The following GPR162 variants were observed in gnomAD, a reference collection of about 807,000 sequenced individuals.
GPR162 encodes the protein G protein-coupled receptor 162.
GPR162 carries 26 observed loss-of-function variants against 44.9 expected under a neutral mutation model. The observed-to-expected ratio is 0.58, with a 90% CI of 0.42 to 0.80. GPR162 has a LOEUF of 0.80. Among genes scored for constraint, GPR162 ranks in the 30% least tolerant of loss-of-function variants. The probability of loss-of-function intolerance (pLI) is 0.00; values close to 1 mark genes in which losing one functional copy is unlikely to be tolerated. For missense variants in GPR162, 704 were observed against 802.3 expected (o/e 0.88, Z 1.48); for synonymous variants, 363 against 335.2 (o/e 1.08, Z -0.91).
At position 6,824,462 on chromosome 12, in the gene GPR162, T is replaced by C; in HGVS notation, c.564T>C (p.Leu188=). 1 of 1,611,970 alleles carries C rather than the reference T, an allele frequency of 6.2e-7. No individual in the cohort carries two copies. Among genetic ancestry groups the C allele is most frequent in the Non-Finnish European group, 8.5e-7 (1 of 1,179,590 alleles). The stretch of plus-strand genomic sequence containing the variant: ...GCGTTTGCTTCAGCCTCTTGCTACT[T>C]GGGGGAATTGTCATGGGTCTGGTCT... ...GFGVCFSLLL[L]GGIVMGLVCV... Residue 188 remains leucine, a synonymous_variant, in exon 2 of 5, where the codon CTT becomes CTC. Coordinates refer to ENST00000311268, the MANE Select transcript of GPR162 (RefSeq NM_019858.2).
At chr12:6,825,214 T>C in intron 2 of GPR162, 2 of 562,050 alleles carry the variant, frequency 3.6e-6, no homozygotes, top group Non-Finnish European at 6.4e-6. Flanking sequence ...TCACTGTTCC[T>C]GGGTTCCTGT....
In GPR162 at chr12:6,826,736, G is replaced by T; in HGVS notation, c.1299G>T (p.Trp433Cys). 1 of 1,589,358 alleles carries T rather than the reference G, an allele frequency of 6.3e-7. No homozygotes were observed. The highest frequency in any genetic ancestry group is 8.6e-7 in the Non-Finnish European group (1 of 1,169,096). ...PREPGSFLHK[W>C]SSSDDIRVLP... ...AACCAGGCTCCTTCCTGCACAAGTG[G>T]TCATCCTCTGATGACATCCGGGTCC... Residue 433 changes from tryptophan (W) to cysteine (C), a missense_variant, in exon 5 of 5, where the codon TGG becomes TGT. Physicochemically the swap from Trp to Cys is radical, Grantham distance 215. This residue lies in a region of GPR162 where 404 missense variants were observed against 314.1 expected (regional missense o/e 1.29). Coordinates refer to ENST00000311268, the MANE Select transcript of GPR162 (RefSeq NM_019858.2).
Position 6,823,985 on chromosome 12 carries a change from G to A in GPR162, c.87G>A (p.Leu29=). Residue 29 remains leucine, a synonymous_variant, in exon 2 of 5, where the codon CTG becomes CTA. Transcript: ENST00000311268. ...SWLACGLLAL[L]ANAWIILSIS... ...TGGCCTGTGGGCTCCTGGCGCTGCTGGCCAATGCCTGGATCATCCTCAGCA... is the reference window on the plus strand; with the variant it reads ...TGGCCTGTGGGCTCCTGGCGCTGCTAGCCAATGCCTGGATCATCCTCAGCA... 6.2e-7 allele frequency: 1 copy of A among 1,605,666 alleles called. No homozygotes were observed. The highest frequency in any genetic ancestry group is 1.1e-5 in the South Asian group (1 of 90,920).
In GPR162 at chr12:6,826,813, G is replaced by A; in HGVS notation, c.1376G>A (p.Arg459Lys). 4 of 1,610,270 alleles carry A rather than the reference G, an allele frequency of 2.5e-6. No individual in the cohort carries two copies. Among genetic ancestry groups the A allele is most frequent in the Non-Finnish European group, 3.4e-6 (4 of 1,178,116 alleles). Residue 459 changes from arginine (R) to lysine (K), a missense_variant, in exon 5 of 5, where the codon AGA (arginine) becomes AAA (lysine). Arg to Lys is a conservative substitution (Grantham distance 26). Around this residue, in one of 6 missense-constraint regions of GPR162, gnomAD observed 404 missense variants for 314.1 expected, o/e 1.29. Transcript: ENST00000311268. ...GGTCCTCCTGAGTACCTGGGACAAA[G>A]ACACAGGTTGGAGGACGAGGAGGAC... ...LGGPPEYLGQ[R>K]HRLEDEEDEE... is the part of the protein sequence containing the mutation.
chr12:6,827,022 C>T lies in GPR162; in HGVS notation c.1585C>T (p.Arg529Trp), dbSNP rs190553000. The T allele has an allele frequency of 1.0e-4, 165 of 1,613,372 alleles. No individual in the cohort carries two copies. In the East Asian group the frequency reaches 1.3e-3, roughly 13 times the overall value. The change falls in exon 5 of 5, where the codon CGG becomes TGG. Residue 529 changes from arginine (R) to tryptophan (W), a missense_variant. Arg to Trp is a moderately radical substitution (Grantham distance 101). Coordinates refer to ENST00000311268, the MANE Select transcript of GPR162 (RefSeq NM_019858.2). ...ASPGHSPRRP[R>W]PLGLSPRRLS... is the part of the protein sequence containing the mutation. The stretch of plus-strand genomic sequence containing the variant: ...ACCAGGGCACTCTCCTCGTCGGCCC[C>T]GGCCACTGGGCCTCTCACCCCGCCG...
intron 2 of GPR162, 90 bp downstream of exon 2, chr12:6,824,855 C>A: frequency 2.1e-6 from 2 of 959,138 alleles, no homozygotes; most frequent in Non-Finnish European, 3.3e-6. Flanking sequence ...CATACAGCAG[C>A]TCCGTCATCT....
At chr12:6,826,124 T>TA (rs1943351180) in intron 3 of GPR162, 72 bp from the exon 4 acceptor site, 1 of 1,194,476 alleles carries the variant, frequency 8.4e-7, no homozygotes, top group Non-Finnish European at 1.2e-6. Context: ...TCTGGGAGCT[T>TA]ATAAAGGCAG....
In GPR162 at chr12:6,827,142, G is replaced by T. The variant is rs1555120462; in HGVS notation, c.1705G>T (p.Ala569Ser). 1 of 1,613,270 alleles carries T rather than the reference G, an allele frequency of 6.2e-7. No individual in the cohort carries two copies. Among genetic ancestry groups the T allele is most frequent in the Admixed American group, 1.7e-5 (1 of 60,028 alleles). ...CTCCCTGACGGGGGGTGAAGAAAGT[G>T]CAAGGGCTTGGGGAGGATCCTGGGG... The part of the protein sequence containing the change: ...RCSLTGGEES[A>S]RAWGGSWGPG... The change falls in exon 5 of 5, where the codon GCA becomes TCA. Residue 569 changes from alanine (A) to serine (S), a missense_variant. Coordinates refer to ENST00000311268, the MANE Select transcript of GPR162 (RefSeq NM_019858.2).
chr12:6,827,023 G>C lies in GPR162; in HGVS notation c.1586G>C (p.Arg529Pro), dbSNP rs200165470. Residue 529 changes from arginine (R) to proline (P), a missense_variant, in exon 5 of 5, where the codon CGG (arginine) becomes CCG (proline). Coordinates refer to ENST00000311268, the MANE Select transcript of GPR162 (RefSeq NM_019858.2). ...ASPGHSPRRP[R>P]PLGLSPRRLS... ...CCAGGGCACTCTCCTCGTCGGCCCC[G>C]GCCACTGGGCCTCTCACCCCGCCGA... The C allele has an allele frequency of 1.9e-6, 3 of 1,613,202 alleles. No individual in the cohort carries two copies. Among genetic ancestry groups the C allele is most frequent in the Admixed American group, 3.3e-5 (2 of 60,010 alleles).
At position 6,827,112 on chromosome 12, in the gene GPR162, C is replaced by A; in HGVS notation, c.1675C>A (p.Arg559Ser). The change falls in exon 5 of 5, where the codon CGC (arginine) becomes AGC (serine). Residue 559 changes from arginine (R) to serine (S), a missense_variant. Physicochemically the swap from Arg to Ser is moderately radical, Grantham distance 110. Coordinates refer to ENST00000311268, the MANE Select transcript of GPR162 (RefSeq NM_019858.2). ...TCCTTTGGGACTAAGCGCAGGGAGA[C>A]GCTGCTCCCTGACGGGGGGTGAAGA... The part of the protein sequence containing the change: ...GLPLGLSAGR[R>S]CSLTGGEESA... 1 of 1,612,556 alleles carries A rather than the reference C, an allele frequency of 6.2e-7. No homozygotes were observed. The highest frequency in any genetic ancestry group is 8.5e-7 in the Non-Finnish European group (1 of 1,179,250).
rs782478623 is a variant in GPR162, at chr12:6,823,906, G to A, written c.8G>A (p.Arg3Gln). 2.1e-5 allele frequency: 33 copies of A among 1,556,890 alleles called. No individual in the cohort carries two copies. The highest frequency in any genetic ancestry group is 6.9e-5 in the East Asian group (3 of 43,336). MA[R>Q]GGAGAEEASL... Reference sequence around the variant, plus strand: ...TGGGGGGCTGAGGATAGGATGGCTCGGGGCGGGGCGGGGGCAGAGGAGGCC... The same window carrying A: ...TGGGGGGCTGAGGATAGGATGGCTCAGGGCGGGGCGGGGGCAGAGGAGGCC... The change falls in exon 2 of 5, where the codon CGG becomes CAG. Residue 3 changes from arginine (R) to glutamine (Q), a missense_variant. Transcript: ENST00000311268.
intron 2 of GPR162, 145 bp from the exon 3 acceptor site, chr12:6,825,339 A>G: frequency 1.6e-6 from 1 of 616,372 alleles, no homozygotes; most frequent in Non-Finnish European, 2.9e-6. Context: ...TGTTCACTCC[A>G]TCTCCACCTC....
chr12:6,823,732 G>C lies in GPR162; in HGVS notation c.-167G>C. On this transcript the variant is annotated 5_prime_UTR_variant, in exon 2 of 5. Coordinates refer to ENST00000311268, the MANE Select transcript of GPR162 (RefSeq NM_019858.2). ...CCCCTGCCCTCTACATCTGCCCTCA[G>C]CTGGGTCCATCATGCAATGCTGAGC... 6.2e-7 allele frequency: 1 copy of C among 1,611,504 alleles called. No homozygotes were observed. Among genetic ancestry groups the C allele is most frequent in the Non-Finnish European group, 8.5e-7 (1 of 1,178,246 alleles).
rs1555119524 is a variant in GPR162, at chr12:6,823,782, TG to T, written c.-116del. On this transcript the variant is annotated 5_prime_UTR_variant, in exon 2 of 5. An upstream open reading frame in the 5' UTR gains an earlier in-frame stop. Coordinates refer to ENST00000311268, the MANE Select transcript of GPR162 (RefSeq NM_019858.2). ...CACTGGGGTGAGCCTGGGGGCAGCC[TG>T]CCTGCTGACAGGGCGAGGATTGTGG... The T allele has an allele frequency of 6.2e-7, 1 of 1,613,056 alleles. No homozygotes were observed. Among genetic ancestry groups the T allele is most frequent in the Admixed American group, 1.7e-5 (1 of 59,928 alleles).
Position 6,825,681 on chromosome 12 carries a change from G to A in GPR162, c.1057+8G>A. On this transcript the variant is annotated splice_region_variant and intron_variant, in intron 3 of 4. Transcript: ENST00000311268. The stretch of plus-strand genomic sequence containing the variant: ...AGGAGGATGGAGATGACGGTCAGAG[G>A]AGGGGCTGGGCTTTGGCTTTCCTGG... The A allele has an allele frequency of 1.9e-6, 3 of 1,557,408 alleles. No individual in the cohort carries two copies. The highest frequency in any genetic ancestry group is 2.6e-6 in the Non-Finnish European group (3 of 1,149,416).
intron 4 of GPR162, 64 bp from the exon 5 acceptor site, chr12:6,826,589 C>T (rs782223891): frequency 2.8e-6 from 4 of 1,423,538 alleles, no homozygotes; most frequent in African/African-American, 2.9e-5. Context: ...GGAGTCCCCA[C>T]TTGGTTCCTG....
chr12:6,825,740 T>C (rs1943345823), intron 3 of GPR162, 67 bp downstream of exon 3: 2 of 1,392,952 alleles, frequency 1.4e-6, no homozygotes, highest in Non-Finnish European at 2.0e-6. Context: ...CCGCTCCTTC[T>C]CAGCCAGAGG....
intron 2 of GPR162, chr12:6,825,003 C>T (rs1943334762): frequency 2.9e-6 from 2 of 688,402 alleles, no homozygotes; most frequent in African/African-American, 1.7e-5. Flanking sequence ...GTTCCCACTC[C>T]TCAGCTCCAT....
At position 6,824,378 on chromosome 12, in the gene GPR162, C is replaced by A; in HGVS notation, c.480C>A (p.Gly160=). ...CCTCCATTGGCTGGCACAACAACGGCGAGCGCTACTATGCCCGCGGCTGCC... is the reference window on the plus strand; with the variant it reads ...CCTCCATTGGCTGGCACAACAACGGAGAGCGCTACTATGCCCGCGGCTGCC... ...TLPSIGWHNN[G]ERYYARGCQF... Residue 160 remains glycine, a synonymous_variant, in exon 2 of 5, where the codon GGC becomes GGA. Transcript: ENST00000311268. 6.2e-7 allele frequency: 1 copy of A among 1,614,156 alleles called. No homozygotes were observed. Among genetic ancestry groups the A allele is most frequent in the Non-Finnish European group, 8.5e-7 (1 of 1,180,030 alleles).
Sources: gnomAD v4.1 joint callset for allele counts on GRCh38, gnomAD v4.1.1 for gene constraint, gnomAD v4.1.1 regional missense constraint, MANE v1.5 for transcripts, NCBI Gene and HGNC (gene_info 2026-07-23, HGNC 2026-07-21) for gene names.